Variants in AKAP9 observed in about 807,000 individuals in gnomAD.
AKAP9 encodes the protein A-kinase anchor protein 9.
In AKAP9, 311 loss-of-function variants were observed where a neutral mutation model predicts 488.5. That is an observed-to-expected ratio of 0.64 (90% CI 0.58 to 0.70). The LOEUF (loss-of-function observed/expected upper bound fraction) is 0.70. Among genes scored for constraint, AKAP9 ranks in the 30% least tolerant of loss-of-function variants. The pLI is 0.00. For synonymous variants in AKAP9, 1,462 were observed against 1,483.5 expected (o/e 0.99, Z 0.33); for missense variants, 4,215 against 4,374.5 (o/e 0.96, Z 1.03).
intron 21 of AKAP9, among the ~76,000 whole-genome samples, chr7:92,048,859 T>G (rs966282998): frequency 1.3e-5 from 2 of 151,262 alleles, no homozygotes; most frequent in Non-Finnish European, 3.0e-5. Flanking sequence ...TGAGCCGAGA[T>G]CACACCACTG....
rs1426532950 is a variant in AKAP9, at chr7:92,002,601, C to G, written c.2684C>G (p.Ala895Gly). 6.2e-7 allele frequency: 1 copy of G among 1,610,782 alleles called. No individual in the cohort carries two copies. The highest frequency in any genetic ancestry group is 2.2e-5 in the East Asian group (1 of 44,798). The change falls in exon 8 of 50, where the codon GCA (alanine) becomes GGA (glycine). Residue 895 changes from alanine to glycine, a missense_variant. Ala to Gly is a moderately conservative substitution (Grantham distance 60). This residue lies in a region of AKAP9 where 2,361 missense variants were observed against 2,430.0 expected (regional missense o/e 0.97). Coordinates refer to ENST00000356239, the MANE Select transcript of AKAP9 (RefSeq NM_005751.5). The part of the protein sequence containing the change: ...QELEYKSKLK[A>G]LNEELHLQRI... ...TTAGAGTATAAAAGTAAACTTAAAG[C>G]ACTTAATGAAGAGCTTCATTTGCAA...
chr7:92,087,824 G>A (rs1040770322), intron 37 of AKAP9, among the ~76,000 whole-genome samples: 1 of 151,036 alleles, frequency 6.6e-6, no homozygotes, highest in Non-Finnish European at 1.5e-5. Flanking sequence ...AAATGATAGT[G>A]ACAAATTATA....
At chr7:92,090,621 C>CAAAAAAAAAAAAAAAAAAAAAAAAAAAA (rs71107852) in intron 38 of AKAP9, 1 of 111,526 alleles carries the variant, frequency 9.0e-6, no homozygotes. Flanking sequence ...GACTCCATCT[C>CAAAAAAAAAAAAAAAAAAAAAAAAAAAA]AAAAAAAAAA....
At chr7:92,085,061 G>A (rs1385323876) in intron 35 of AKAP9, 121 bp downstream of exon 35, 4 of 1,059,006 alleles carry the variant, frequency 3.8e-6, no homozygotes, top group Admixed American at 2.1e-5. Flanking sequence ...TAGCTAGAAG[G>A]AATCTGAGAG....
intron 1 of AKAP9, among the ~76,000 whole-genome samples, chr7:91,964,587 C>T (rs748518289): frequency 2.0e-5 from 3 of 151,926 alleles, no homozygotes; most frequent in Non-Finnish European, 4.4e-5. Context: ...TTTGTACCCC[C>T]TAAATCTATA....
At chr7:92,045,357 C>A in intron 21 of AKAP9, 144 bp downstream of exon 21, 1 of 769,962 alleles carries the variant, frequency 1.3e-6, no homozygotes, top group Non-Finnish European at 2.2e-6. Flanking sequence ...TAGAGCAACT[C>A]TTTTCAAACA....
chr7:92,019,757 C>G (rs915558653), intron 12 of AKAP9, among the ~76,000 whole-genome samples: 28 of 151,878 alleles, frequency 1.8e-4, no homozygotes, highest in African/African-American at 5.1e-4. Flanking sequence ...CCTGCAATCC[C>G]AGCACTTTAG....
Position 92,070,123 on chromosome 7 carries a change from A to G in AKAP9, c.6424A>G (p.Arg2142Gly), listed in dbSNP as rs756746170. 1 of 1,614,130 alleles carries G rather than the reference A, an allele frequency of 6.2e-7. No homozygotes were observed. Among genetic ancestry groups the G allele is most frequent in the Non-Finnish European group, 8.5e-7 (1 of 1,180,006 alleles). ...KEQLQRDIQE[R>G]NEEIEKLEFR... is the part of the protein sequence containing the mutation. ...GCAGCTTCAAAGGGATATACAAGAA[A>G]GGAATGAAGAAATAGAGAAACTGGA... Residue 2142 changes from arginine to glycine, a missense_variant, in exon 27 of 50, where the codon AGG becomes GGG. Around this residue, in one of 5 missense-constraint regions of AKAP9, gnomAD observed 2,361 missense variants for 2,430.0 expected, o/e 0.97. Transcript: ENST00000356239.
chr7:92,023,915 A>G (rs1802689884), intron 14 of AKAP9, among the ~76,000 whole-genome samples: 1 of 152,056 alleles, frequency 6.6e-6, no homozygotes, highest in Non-Finnish European at 1.5e-5. Context: ...CTCCAGATAC[A>G]TGCCTGGCCA....
In AKAP9 at chr7:92,097,002, T is replaced by G. The variant is rs1291149566; in HGVS notation, c.10043T>G (p.Leu3348Arg). 1 of 1,614,038 alleles carries G rather than the reference T, an allele frequency of 6.2e-7. No individual in the cohort carries two copies. The highest frequency in any genetic ancestry group is 1.3e-5 in the African/African-American group (1 of 74,932). ...PLPSEDLLKE[L>R]QKQLEEKHSR... Reference sequence around the variant, plus strand: ...CCCTCAGAGGACCTACTGAAAGAGCTGCAGAAACAGCTAGAGGAAAAACAC... The same window carrying G: ...CCCTCAGAGGACCTACTGAAAGAGCGGCAGAAACAGCTAGAGGAAAAACAC... The change falls in exon 41 of 50, where the codon CTG becomes CGG. Residue 3348 changes from leucine to arginine, a missense_variant. This residue lies in a region of AKAP9 where 1,476 missense variants were observed against 1,477.4 expected (regional missense o/e 1.00). Transcript: ENST00000356239.
chr7:92,079,832 T>C lies in AKAP9; in HGVS notation c.7699T>C (p.Tyr2567His). ...SQIQLEAVQE[Y>H]AKFCQDNQTI... ...AATCCAACTTGAGGCAGTTCAGGAATATGCAAAATTCTGTCAAGATAATCA... is the reference window on the plus strand; with the variant it reads ...AATCCAACTTGAGGCAGTTCAGGAACATGCAAAATTCTGTCAAGATAATCA... The change falls in exon 31 of 50, where the codon TAT becomes CAT. Residue 2567 changes from tyrosine to histidine, a missense_variant. Around this residue, in one of 5 missense-constraint regions of AKAP9, gnomAD observed 1,476 missense variants for 1,477.4 expected, o/e 1.00. Transcript: ENST00000356239. 1.9e-6 allele frequency: 3 copies of C among 1,614,124 alleles called. No homozygotes were observed. Among genetic ancestry groups the C allele is most frequent in the Non-Finnish European group, 2.5e-6 (3 of 1,180,002 alleles).
rs1816736439 is a variant in AKAP9 at position 92,097,099 on chromosome 7, G to GC, written c.10140_10141insC (p.Glu3381ArgfsTer4). ...ATTCTTTGCAAACACGACAGCAAAT[G>GC]GAAAAAGATAGGCAGGTTCACAGGA... On this transcript the variant is annotated frameshift_variant, in exon 41 of 50. Transcript: ENST00000356239. LOFTEE classifies it high-confidence loss of function. 6.2e-7 allele frequency: 1 copy of GC among 1,614,052 alleles called. No individual in the cohort carries two copies. Among genetic ancestry groups the GC allele is most frequent in the Non-Finnish European group, 8.5e-7 (1 of 1,180,026 alleles).
intron 49 of AKAP9, 150 bp downstream of exon 49, chr7:92,108,783 T>A (rs952093879): frequency 8.8e-5 from 82 of 932,578 alleles, no homozygotes; most frequent in Middle Eastern, 2.1e-4. Flanking sequence ...CTTAAACTCT[T>A]GTAACCAGCA....
At chr7:92,068,538 GA>G (rs1421738940) in intron 26 of AKAP9, among the ~76,000 whole-genome samples, 1 of 151,796 alleles carries the variant, frequency 6.6e-6, no homozygotes, top group African/African-American at 2.4e-5. Context: ...TCTTTTATTT[GA>G]AAAGGTTGGC....
intron 16 of AKAP9, among the ~76,000 whole-genome samples, chr7:92,035,679 T>C (rs1805077497): frequency 6.6e-6 from 1 of 152,234 alleles, no homozygotes; most frequent in African/African-American, 2.4e-5. Flanking sequence ...CTGTTTCTTC[T>C]TTCCCATACA....
chr7:91,950,257 T>A (rs1192876149), intron 1 of AKAP9, among the ~76,000 whole-genome samples: 1 of 144,106 alleles, frequency 6.9e-6, no homozygotes, highest in African/African-American at 2.6e-5. Context: ...TGAGACAGAG[T>A]CTTGCTCTGT....
intron 22 of AKAP9, chr7:92,058,157 G>C: frequency 1.7e-6 from 1 of 571,848 alleles, no homozygotes; most frequent in Non-Finnish European, 3.5e-6. Flanking sequence ...CTCGGCAGCT[G>C]TATCTTCTGG....
intron 38 of AKAP9, among the ~76,000 whole-genome samples, chr7:92,091,208 C>T (rs1815496961): frequency 6.6e-6 from 1 of 152,086 alleles, no homozygotes; most frequent in African/African-American, 2.4e-5. Flanking sequence ...CCTGTGTGTT[C>T]AGTAATTTTG....
At chr7:92,056,554 A>C (rs959379077) in intron 22 of AKAP9, among the ~76,000 whole-genome samples, 1 of 150,922 alleles carries the variant, frequency 6.6e-6, no homozygotes, top group Admixed American at 6.6e-5. Context: ...CTTTGTTAAG[A>C]CACCTTCACA....
Sources: gnomAD v4.1 joint callset for allele counts (sites outside exome capture counted in the v4.1 genomes callset) on GRCh38, gnomAD v4.1.1 for gene constraint, gnomAD v4.1.1 regional missense constraint, MANE v1.5 for transcripts, NCBI Gene and HGNC (gene_info 2026-07-23, HGNC 2026-07-21) for gene names.